REV3L: variants seen among roughly 807,000 people sequenced by gnomAD.
REV3L encodes the protein DNA polymerase zeta catalytic subunit.
REV3L carries 69 observed loss-of-function variants against 299.4 expected under a neutral mutation model. That is an observed-to-expected ratio of 0.23 (90% CI 0.19 to 0.28). REV3L has a LOEUF of 0.28. REV3L is among the 10% of genes least tolerant of loss of function. REV3L has a pLI of 1.00. For missense variants in REV3L, 3,128 were observed against 3,693.8 expected, an observed-to-expected ratio of 0.85 and a Z score of 3.97; for synonymous variants, 1,238 against 1,271.4, an observed-to-expected ratio of 0.97 and a Z score of 0.56.
At chr6:111,365,373 G>T in intron 14 of REV3L, 29 bp from the exon 15 acceptor site, 2 of 1,326,938 alleles carry the variant, frequency 1.5e-6, no homozygotes, top group African/African-American at 1.5e-5. Context: ...TATTTAACAT[G>T]TATATCAAAA....
chr6:111,454,880 G>C (rs1349349587), intron 1 of REV3L, among the ~76,000 whole-genome samples: 1 of 152,036 alleles, frequency 6.6e-6, no homozygotes, highest in African/African-American at 2.4e-5. Context: ...TGGTCAGACT[G>C]GTCTCAAACT....
chr6:111,313,337 A>G lies in REV3L; in HGVS notation c.8604+15T>C, dbSNP rs1428282802. The G allele has an allele frequency of 1.3e-6, 2 of 1,599,002 alleles. No individual in the cohort carries two copies. Among genetic ancestry groups the G allele is most frequent in the African/African-American group, 2.7e-5 (2 of 74,104 alleles). ...CTTATTTCTTACAGATGAAGACAAG[A>G]TAGATAAACCTTACCTTAGAAACAG... On this transcript the variant is annotated intron_variant, in intron 28 of 31. Transcript: ENST00000368802.
chr6:111,374,196 T>C lies in REV3L; in HGVS notation c.4159A>G (p.Asn1387Asp), dbSNP rs1039038463. Residue 1387 changes from asparagine (N) to aspartate (D), a missense_variant, in exon 13 of 32, where the codon AAT (asparagine) becomes GAT (aspartate). Transcript: ENST00000368802. Reference sequence around the variant, plus strand: ...GACAAATAGTTTCTTTGTATATTATTTGCATTATCTTCTATCTTTGAGGAC... The same window carrying C: ...GACAAATAGTTTCTTTGTATATTATCTGCATTATCTTCTATCTTTGAGGAC... The part of the protein sequence containing the change: ...GMSSKIEDNA[N>D]NIQRNYLSSI... 3 of 1,613,952 alleles carry C rather than the reference T, an allele frequency of 1.9e-6. No individual in the cohort carries two copies. The highest frequency in any genetic ancestry group is 2.7e-5 in the African/African-American group (2 of 74,940).
At chr6:111,349,019 A>AC in intron 20 of REV3L, 199 bp downstream of exon 20, 1 of 396,308 alleles carries the variant, frequency 2.5e-6, no homozygotes, top group Non-Finnish European at 4.4e-6. Context: ...AAAAAAAAAA[A>AC]AACTCACTTA....
At chr6:111,400,310 T>C (rs1391185953) in intron 4 of REV3L, among the ~76,000 whole-genome samples, 1 of 152,224 alleles carries the variant, frequency 6.6e-6, no homozygotes, top group East Asian at 1.9e-4. Context: ...AGAAACTATC[T>C]GTCTTCCAAA....
At chr6:111,470,048 TC>T (rs1791991501) in intron 1 of REV3L, among the ~76,000 whole-genome samples, 1 of 152,148 alleles carries the variant, frequency 6.6e-6, no homozygotes, top group East Asian at 1.9e-4. Context: ...GATATTAAAA[TC>T]TTACTATCAC....
intron 1 of REV3L, among the ~76,000 whole-genome samples, chr6:111,436,202 G>A (rs562850128): frequency 6.6e-6 from 1 of 152,286 alleles, no homozygotes; most frequent in East Asian, 1.9e-4. Flanking sequence ...GTACACCACT[G>A]CTGGGAATGT....
chr6:111,369,548 C>T (rs915844316), intron 13 of REV3L, among the ~76,000 whole-genome samples: 2 of 152,080 alleles, frequency 1.3e-5, no homozygotes, highest in South Asian at 2.1e-4. Flanking sequence ...TTGCAAACAA[C>T]CTTTCTGTCC....
At chr6:111,319,172 GTTA>G (rs1286023205) in intron 26 of REV3L, among the ~76,000 whole-genome samples, 1 of 152,044 alleles carries the variant, frequency 6.6e-6, no homozygotes, top group African/African-American at 2.4e-5. Flanking sequence ...CATCTTAAAA[GTTA>G]TTATTGGCTG....
chr6:111,363,982 T>A lies in REV3L; in HGVS notation c.6754-4A>T, dbSNP rs78491998. 6.4e-7 allele frequency: 1 copy of A among 1,559,452 alleles called. No homozygotes were observed. Among genetic ancestry groups the A allele is most frequent in the South Asian group, 1.2e-5 (1 of 84,498 alleles). ...TATTTACTGCTGCAAATTGATTCTA[T>A]AAAAAAAAACACACACACACACAGC... On this transcript the variant is annotated splice_region_variant and splice_polypyrimidine_tract_variant and intron_variant, in intron 15 of 31. Coordinates refer to ENST00000368802, the MANE Select transcript of REV3L (RefSeq NM_001372078.1).
At chr6:111,323,277 CG>C (rs1404263146) in intron 25 of REV3L, among the ~76,000 whole-genome samples, 1 of 152,158 alleles carries the variant, frequency 6.6e-6, no homozygotes, top group East Asian at 1.9e-4. Context: ...CGTGAGCCAC[CG>C]TGCCCGACCT....
At chr6:111,389,800 G>A (rs551871508) in intron 6 of REV3L, among the ~76,000 whole-genome samples, 60 of 134,814 alleles carry the variant, frequency 4.5e-4, no homozygotes, top group African/African-American at 1.6e-3. Context: ...GCAGTGGTGC[G>A]ATCTTGGCCC....
intron 5 of REV3L, among the ~76,000 whole-genome samples, chr6:111,391,458 A>C (rs1409416596): frequency 6.6e-6 from 1 of 152,198 alleles, no homozygotes; most frequent in Admixed American, 6.5e-5. Context: ...GGAATATTAC[A>C]TGTTAGTTGT....
In REV3L at chr6:111,369,293, A is replaced by G. The variant is rs527940126; in HGVS notation, c.5760-1265T>C. On this transcript the variant is annotated intron_variant, in intron 13 of 31. Coordinates refer to ENST00000368802, the MANE Select transcript of REV3L (RefSeq NM_001372078.1). ...CCAGACTCTGTCTCAAAAAAAAAAA[A>G]AAAAAAAAAAAATGGTGAGGTGTGG... 5.9e-5 allele frequency among the ~76,000 whole-genome samples: 9 copies of G among 151,706 alleles called. No individual in the cohort carries two copies. In the East Asian group the frequency reaches 1.7e-3, roughly 29 times the overall value.
intron 1 of REV3L, among the ~76,000 whole-genome samples, chr6:111,450,044 C>T (rs547981973): frequency 6.6e-6 from 1 of 151,768 alleles, no homozygotes; most frequent in East Asian, 1.9e-4. Flanking sequence ...CATCTCATGA[C>T]GGATGAAAAA....
Position 111,374,044 on chromosome 6 carries a change from C to T in REV3L, c.4311G>A (p.Lys1437=). ...TTCCCGGAGAACAAGTTTCACTGTG[C>T]TTTGACTGTTCCGCTATGCACACAA... ...QQIVCIAEQS[K]HSETCSPGNT... The change falls in exon 13 of 32, where the codon AAG becomes AAA. Residue 1437 remains lysine (K), a synonymous_variant. Coordinates refer to ENST00000368802, the MANE Select transcript of REV3L (RefSeq NM_001372078.1). 1.2e-6 allele frequency: 2 copies of T among 1,614,128 alleles called. No individual in the cohort carries two copies. The highest frequency in any genetic ancestry group is 1.7e-6 in the Non-Finnish European group (2 of 1,179,988).
intron 6 of REV3L, 86 bp downstream of exon 6, chr6:111,390,000 C>T (rs1582810506): frequency 1.1e-6 from 1 of 888,498 alleles, no homozygotes; most frequent in African/African-American, 1.7e-5. Flanking sequence ...TCCCAAAGTG[C>T]TGGGATTACA....
At position 111,416,127 on chromosome 6, in the gene REV3L, C is replaced by T. The variant is rs376844791; in HGVS notation, c.329+156G>A. Among the ~76,000 whole-genome samples, 18 of 152,152 alleles carry T rather than the reference C, an allele frequency of 1.2e-4. No individual in the cohort carries two copies. In the East Asian group the frequency reaches 3.1e-3, roughly 26 times the overall value. On this transcript the variant is annotated intron_variant, in intron 2 of 31. Transcript: ENST00000368802. ...ACTGTTGACTCTCTACCTTTCATTG[C>T]CATAAAAATTCATGTTAAAAAGTTA... is the stretch of plus-strand genomic sequence containing the variant.
At chr6:111,451,725 T>C (rs868212384) in intron 1 of REV3L, among the ~76,000 whole-genome samples, 47 of 151,680 alleles carry the variant, frequency 3.1e-4, no homozygotes, top group African/African-American at 1.1e-3. Context: ...AATGACAACT[T>C]AGAAATCAAA....
Sources: gnomAD v4.1 joint callset for allele counts (sites outside exome capture counted in the v4.1 genomes callset) on GRCh38, gnomAD v4.1.1 for gene constraint, MANE v1.5 for transcripts, NCBI Gene and HGNC (gene_info 2026-07-23, HGNC 2026-07-21) for gene names.